UNC79: variants seen among roughly 807,000 people sequenced by gnomAD.
The protein encoded by UNC79 is protein unc-79 homolog.
In UNC79, 37 loss-of-function variants were observed where a neutral mutation model predicts 283.1. The ratio of observed to expected loss-of-function variants is 0.13; its 90% CI spans 0.10 to 0.17. UNC79 has a LOEUF of 0.17. UNC79 is among the 10% of genes least tolerant of loss of function. UNC79 has a pLI of 1.00. For missense variants in UNC79, 2,272 were observed against 3,211.1 expected, an observed-to-expected ratio of 0.71 and a Z score of 7.07; for synonymous variants, 1,107 against 1,200.2, an observed-to-expected ratio of 0.92 and a Z score of 1.61.
chr14:93,497,757 G>A (rs1051750181), intron 7 of UNC79, among the ~76,000 whole-genome samples: 4 of 152,044 alleles, frequency 2.6e-5, no homozygotes, highest in African/African-American at 9.7e-5. Context: ...GGAGGCCAAG[G>A]CGGGCAGATC....
chr14:93,650,445 G>A (rs1258273351), intron 35 of UNC79, among the ~76,000 whole-genome samples: 2 of 152,206 alleles, frequency 1.3e-5, no homozygotes, highest in East Asian at 3.9e-4. Context: ...TATTCTGGTT[G>A]TTTCATATTC....
At chr14:93,660,707 C>T (rs1342285687) in intron 39 of UNC79, among the ~76,000 whole-genome samples, 1 of 151,554 alleles carries the variant, frequency 6.6e-6, no homozygotes, top group Non-Finnish European at 1.5e-5. Flanking sequence ...CTCCCTGCCT[C>T]AGCCTCCCAA....
intron 27 of UNC79, among the ~76,000 whole-genome samples, chr14:93,614,795 A>G (rs1240290866): frequency 6.6e-6 from 1 of 152,162 alleles, no homozygotes; most frequent in Non-Finnish European, 1.5e-5. Flanking sequence ...GACAGACACC[A>G]TACTTTACTC....
chr14:93,449,096 C>T (rs1316745020), intron 1 of UNC79, among the ~76,000 whole-genome samples: 1 of 152,146 alleles, frequency 6.6e-6, no homozygotes, highest in East Asian at 1.9e-4. Context: ...AGCAGTCTGT[C>T]CCCATCCTTT....
In UNC79 at chr14:93,474,427, G is replaced by T. The variant is rs749296553; in HGVS notation, c.448+34G>T. ...TTAGCTGAAACCTTTGGAAATGTAC[G>T]TGGATGCTTATGAATGTATATGATG... On this transcript the variant is annotated intron_variant, in intron 3 of 48. Transcript: ENST00000555664. The surrounding 1 kb of genome is among the most constrained non-coding windows in gnomAD (Gnocchi z 4.1). 5.3e-6 allele frequency: 8 copies of T among 1,519,084 alleles called. No individual in the cohort carries two copies. The highest frequency in any genetic ancestry group is 4.1e-5 in the African/African-American group (3 of 72,690). 94.1% of individuals were successfully genotyped at this position (1,519,084 alleles called of 1,614,324 possible).
At chr14:93,508,256 C>T (rs1251768215) in intron 7 of UNC79, among the ~76,000 whole-genome samples, 23 of 150,952 alleles carry the variant, frequency 1.5e-4, no homozygotes, top group Non-Finnish European at 1.5e-5. Flanking sequence ...TGGTGGCTCA[C>T]ACCTGTAATT....
chr14:93,575,874 C>G (rs12586978), intron 17 of UNC79, among the ~76,000 whole-genome samples: 27,798 of 152,180 alleles, frequency 0.18, 3,144 homozygotes, highest in East Asian at 0.32. Flanking sequence ...TCAAGCCTCT[C>G]TACAAAATTT....
intron 1 of UNC79, among the ~76,000 whole-genome samples, chr14:93,415,635 G>T (rs908929378): frequency 5.9e-5 from 9 of 151,904 alleles, no homozygotes; most frequent in Non-Finnish European, 2.9e-5. Flanking sequence ...ATTCGGCTGT[G>T]AATCCATCTG....
At chr14:93,514,164 T>C (rs2059953133) in intron 7 of UNC79, among the ~76,000 whole-genome samples, 1 of 152,108 alleles carries the variant, frequency 6.6e-6, no homozygotes, top group Non-Finnish European at 1.5e-5. Flanking sequence ...AACTGTTTTT[T>C]AAAAAATCAA....
chr14:93,537,311 AT>A (rs1045407507), intron 11 of UNC79, among the ~76,000 whole-genome samples: 29 of 152,176 alleles, frequency 1.9e-4, no homozygotes, highest in African/African-American at 7.0e-4. Context: ...CCATCACTTC[AT>A]TTGCGGTTCC....
chr14:93,543,444 G>C (rs1333593104), intron 14 of UNC79, among the ~76,000 whole-genome samples: 1 of 148,306 alleles, frequency 6.7e-6, no homozygotes, highest in Non-Finnish European at 1.5e-5. Flanking sequence ...CAGTGGTGTA[G>C]TCATACTCAC....
intron 32 of UNC79, among the ~76,000 whole-genome samples, chr14:93,640,179 C>G (rs995214073): frequency 5.9e-5 from 9 of 152,194 alleles, no homozygotes; most frequent in Admixed American, 2.0e-4. Flanking sequence ...ATTTACTCAT[C>G]CCTGGACCAT....
chr14:93,598,154 T>C (rs551332302), intron 24 of UNC79, among the ~76,000 whole-genome samples: 19 of 152,190 alleles, frequency 1.2e-4, no homozygotes, highest in Non-Finnish European at 2.5e-4. Context: ...ACCCACCTAA[T>C]TTTTAACTTT....
intron 1 of UNC79, among the ~76,000 whole-genome samples, chr14:93,397,476 T>G (rs2055021759): frequency 6.6e-6 from 1 of 152,190 alleles, no homozygotes; most frequent in South Asian, 2.1e-4. Context: ...CAGCTTCTAA[T>G]TTTCACTGCA....
At position 93,439,553 on chromosome 14, in the gene UNC79, G is replaced by T. The variant is rs191275170; in HGVS notation, c.22+8502G>T. ...TAGATTGTTTCATAGGTGTTTTTCT[G>T]GGGGGTAGAGTGGGAAGTAATTTTA... On this transcript the variant is annotated intron_variant, in intron 1 of 48. Coordinates refer to ENST00000555664, the Ensembl canonical transcript of UNC79. 2.6e-5 allele frequency among the ~76,000 whole-genome samples: 4 copies of T among 151,926 alleles called. No homozygotes were observed. In the East Asian group the frequency reaches 7.7e-4, roughly 29 times the overall value.
chr14:93,545,354 G>T (rs2061547688), intron 14 of UNC79, among the ~76,000 whole-genome samples: 1 of 152,120 alleles, frequency 6.6e-6, no homozygotes, highest in Admixed American at 6.5e-5. Context: ...GACCACTTAG[G>T]GCTTTTTAAA....
At chr14:93,450,575 C>A (rs2056605581) in intron 1 of UNC79, among the ~76,000 whole-genome samples, 1 of 152,114 alleles carries the variant, frequency 6.6e-6, no homozygotes. Context: ...ACTTTGGGAA[C>A]ATTGTTTTTC....
intron 1 of UNC79, among the ~76,000 whole-genome samples, chr14:93,356,854 T>G (rs1338679554): frequency 6.6e-6 from 1 of 152,200 alleles, no homozygotes; most frequent in Non-Finnish European, 1.5e-5. Flanking sequence ...GTTAAAAATT[T>G]TTTCCCTAGC....
chr14:93,664,243 G>A (rs983545363), intron 40 of UNC79, among the ~76,000 whole-genome samples: 1 of 152,132 alleles, frequency 6.6e-6, no homozygotes, highest in African/African-American at 2.4e-5. Flanking sequence ...AAGAACTTTG[G>A]AGACTTCACT....
Sources: allele counts gnomAD v4.1 joint callset (sites outside exome capture counted in the v4.1 genomes callset), GRCh38; gene constraint gnomAD v4.1.1; non-coding constraint Gnocchi (gnomAD v3.1); transcripts MANE v1.5; gene names NCBI Gene and HGNC (gene_info 2026-07-23, HGNC 2026-07-21).